Variants in RPS21 observed in about 807,000 individuals in gnomAD.
The protein encoded by RPS21 is ribosomal protein S21.
A neutral mutation model predicts 14.5 loss-of-function variants in RPS21; 6 were observed. The ratio of observed to expected loss-of-function variants is 0.41; its 90% CI spans 0.23 to 0.82. The LOEUF is 0.82. RPS21 is among the 40% of genes least tolerant of loss of function. The probability of loss-of-function intolerance (pLI) is 0.31; values close to 1 mark genes in which losing one functional copy is unlikely to be tolerated. For missense variants in RPS21, 85 were observed against 115.0 expected, an observed-to-expected ratio of 0.74 and a Z score of 1.19; for synonymous variants, 61 against 42.6, an observed-to-expected ratio of 1.43 and a Z score of -1.69.
At chr20:62,387,233 C>CT (rs1987761705) in intron 1 of RPS21, 88 bp from the exon 2 acceptor site, 1 of 957,158 alleles carries the variant, frequency 1.0e-6, no homozygotes, top group African/African-American at 1.6e-5. Flanking sequence ...CTGGGTGCGG[C>CT]TGGGGCCGTG....
In RPS21 at chr20:62,387,605, C is replaced by G; in HGVS notation, c.51-6C>G. ...CCCCTCTGCTCACTGCGCCCTTTCT[C>G]CACAGCTCCGCTAGCAATCGCATCA... On this transcript the variant is annotated splice_region_variant and splice_polypyrimidine_tract_variant and intron_variant, in intron 2 of 5. Coordinates refer to ENST00000343986, the MANE Select transcript of RPS21 (RefSeq NM_001024.4). 1 of 1,611,032 alleles carries G rather than the reference C, an allele frequency of 6.2e-7. No individual in the cohort carries two copies. Among genetic ancestry groups the G allele is most frequent in the South Asian group, 1.1e-5 (1 of 90,860 alleles).
chr20:62,387,268 G>T, intron 1 of RPS21, 53 bp from the exon 2 acceptor site: 1 of 1,423,410 alleles, frequency 7.0e-7, no homozygotes, highest in Non-Finnish European at 9.6e-7. Flanking sequence ...TTTGCGCCGG[G>T]AGCCGGGGCA....
At chr20:62,387,474 T>C in intron 2 of RPS21, 86 bp downstream of exon 2, 1 of 1,589,248 alleles carries the variant, frequency 6.3e-7, no homozygotes, top group Non-Finnish European at 8.6e-7. Flanking sequence ...ACCCCTCCCG[T>C]CCTTACCTCG....
chr20:62,387,580 C>A, intron 2 of RPS21, 31 bp from the exon 3 acceptor site: 1 of 1,602,312 alleles, frequency 6.2e-7, no homozygotes, highest in African/African-American at 1.3e-5. Context: ...CCGCCCAAGT[C>A]CCCTCTGCTC....
chr20:62,387,257 G>C, intron 1 of RPS21, 64 bp from the exon 2 acceptor site: 1 of 1,344,680 alleles, frequency 7.4e-7, no homozygotes, highest in Non-Finnish European at 1.0e-6. Flanking sequence ...CTAGGGGCCG[G>C]TTTGCGCCGG....
intron 5 of RPS21, 23 bp downstream of exon 5, chr20:62,388,387 G>A: frequency 1.2e-6 from 2 of 1,610,038 alleles, no homozygotes; most frequent in Non-Finnish European, 1.7e-6. Flanking sequence ...GCTCACATTT[G>A]GGCAGAGTGA....
chr20:62,387,532 T>C (rs1488724241), intron 2 of RPS21, 79 bp from the exon 3 acceptor site: 17 of 1,587,744 alleles, frequency 1.1e-5, no homozygotes, highest in Admixed American at 1.7e-5. Context: ...TTTCCATTCA[T>C]ATACCCCCAA....
chr20:62,387,976 T>C, intron 4 of RPS21, 62 bp downstream of exon 4: 1 of 1,614,120 alleles, frequency 6.2e-7, no homozygotes, highest in Non-Finnish European at 8.5e-7. Context: ...CCGTGCGCAT[T>C]GGAGTGTGTG....
chr20:62,387,449 C>T, intron 2 of RPS21, 61 bp downstream of exon 2: 1 of 1,596,328 alleles, frequency 6.3e-7, no homozygotes, highest in Non-Finnish European at 8.6e-7. Context: ...CCCTCGCCTG[C>T]CCTTGTTCCC....
chr20:62,387,187 G>T (rs1019467735), intron 1 of RPS21, 51 bp downstream of exon 1: 49 of 620,228 alleles, frequency 7.9e-5, no homozygotes, highest in Non-Finnish European at 1.1e-4. Context: ...TGGGGCGGGA[G>T]TGGGGGCTTG....
intron 4 of RPS21, 195 bp from the exon 5 acceptor site, chr20:62,388,114 A>G: frequency 6.6e-7 from 1 of 1,511,300 alleles, no homozygotes; most frequent in Non-Finnish European, 8.9e-7. Context: ...TCTGCCTCTC[A>G]CTAGGAGGTG....
chr20:62,387,939 C>T (rs759294101), intron 4 of RPS21, 25 bp downstream of exon 4: 9 of 1,614,116 alleles, frequency 5.6e-6, no homozygotes, highest in African/African-American at 2.7e-5. Flanking sequence ...GGGCTTTGCT[C>T]ATCACTTCGG....
At chr20:62,387,219 G>A in intron 1 of RPS21, 83 bp downstream of exon 1, 1 of 785,574 alleles carries the variant, frequency 1.3e-6, no homozygotes, top group South Asian at 1.7e-5. Context: ...CGGGGTGCGG[G>A]GTGCTGGGTG....
chr20:62,388,124 G>GC (rs60801535), intron 4 of RPS21, 185 bp from the exon 5 acceptor site: 256,610 of 1,488,968 alleles, frequency 0.17, 24,231 homozygotes, highest in Middle Eastern at 0.24. Flanking sequence ...ACTAGGAGGT[G>GC]CCCCCCCGAC....
chr20:62,387,553 C>G (rs368520208), intron 2 of RPS21, 58 bp from the exon 3 acceptor site: 3 of 1,592,300 alleles, frequency 1.9e-6, no homozygotes, highest in Non-Finnish European at 2.6e-6. Context: ...CCTCCCTCGT[C>G]CCCTCTTTCA....
Position 62,387,634 on chromosome 20 carries a change from G to T in RPS21, c.74G>T (p.Gly25Val). ...RKCSASNRIIGAKDHASIQMN... is the reference protein window; with the variant it reads ...RKCSASNRIIVAKDHASIQMN... ...AGCTCCGCTAGCAATCGCATCATCG[G>T]TGCCAAGGACCACGCATCCATCCAG... The change falls in exon 3 of 6, where the codon GGT becomes GTT. Residue 25 changes from glycine (G) to valine (V), a missense_variant. Transcript: ENST00000343986. 1 of 1,613,794 alleles carries T rather than the reference G, an allele frequency of 6.2e-7. No homozygotes were observed. Among genetic ancestry groups the T allele is most frequent in the Non-Finnish European group, 8.5e-7 (1 of 1,179,860 alleles).
intron 2 of RPS21, 28 bp downstream of exon 2, chr20:62,387,416 C>T (rs770075731): frequency 3.7e-6 from 6 of 1,607,368 alleles, no homozygotes; most frequent in Admixed American, 1.7e-5. Context: ...GCCTCTCTTC[C>T]GTCCTTACCT....
chr20:62,387,742 T>A, intron 3 of RPS21, 68 bp downstream of exon 3: 1 of 1,614,058 alleles, frequency 6.2e-7, no homozygotes. Flanking sequence ...TGTCCCATTG[T>A]GGAGGAGCCC....
rs955644525 is a variant in RPS21, at chr20:62,387,805, C to G, written c.115-38C>G. ...GCTTTGAGGATTGGTGTTTCCCAAA[C>G]CTGGGGGAGTGGTTTGTGACCCTTC... On this transcript the variant is annotated intron_variant, in intron 3 of 5. Transcript: ENST00000343986. The G allele has an allele frequency of 1.9e-6, 3 of 1,613,688 alleles. No individual in the cohort carries two copies. In the African/African-American group the frequency reaches 4.0e-5, roughly 22 times the overall value.
Sources: gnomAD v4.1 joint callset for allele counts on GRCh38, gnomAD v4.1.1 for gene constraint, MANE v1.5 for transcripts, NCBI Gene and HGNC (gene_info 2026-07-23, HGNC 2026-07-21) for gene names.